Variants in CMKLR1 observed in about 807,000 individuals in gnomAD.
The protein encoded by CMKLR1 is chemerin-like receptor 1.
A neutral mutation model predicts 8.2 loss-of-function variants in CMKLR1; 6 were observed. That is an observed-to-expected ratio of 0.73 (90% CI 0.40 to 1.44). The LOEUF (loss-of-function observed/expected upper bound fraction) is 1.44, where lower values mean the gene tolerates loss of function less well. CMKLR1 is among the 40% of genes most tolerant of loss of function. The probability of loss-of-function intolerance (pLI) is 0.02; values close to 1 mark genes in which losing one functional copy is unlikely to be tolerated. For missense variants in CMKLR1, 429 were observed against 478.0 expected (o/e 0.90, Z 0.96); for synonymous variants, 178 against 181.2 (o/e 0.98, Z 0.14).
At chr12:108,305,834 T>G (rs182199862) in intron 2 of CMKLR1, among the ~76,000 whole-genome samples, 24 of 152,212 alleles carry the variant, frequency 1.6e-4, no homozygotes, top group Non-Finnish European at 4.4e-5. Flanking sequence ...TCTTTCGGGT[T>G]TGGAAGGGGC....
In CMKLR1 at chr12:108,310,956, C is replaced by CA. The variant is rs1377514589; in HGVS notation, c.-73-17293dup. Among the ~76,000 whole-genome samples, 17 of 146,378 alleles carry CA rather than the reference C, an allele frequency of 1.2e-4. No homozygotes were observed. In the South Asian group the frequency reaches 1.2e-3, roughly 10 times the overall value. ...CAGGTAAGTTCGAAGACCGCCCCCC[C>CA]ACCCCCCGCCCAGGAGATGAGCAGG... On this transcript the variant is annotated intron_variant, in intron 2 of 3. Coordinates refer to ENST00000550402, the MANE Select transcript of CMKLR1 (RefSeq NM_001142343.2).
Position 108,292,425 on chromosome 12 carries a change from T to C in CMKLR1, c.538A>G (p.Thr180Ala), listed in dbSNP as rs553674701. The C allele has an allele frequency of 3.7e-6, 6 of 1,614,168 alleles. No homozygotes were observed. Among genetic ancestry groups the C allele is most frequent in the African/African-American group, 2.7e-5 (2 of 75,022 alleles). The change falls in exon 4 of 4, where the codon ACA (threonine) becomes GCA (alanine). Residue 180 changes from threonine to alanine, a missense_variant. Physicochemically the swap from Thr to Ala is moderately conservative, Grantham distance 58. Transcript: ENST00000550402. ...GATATTTTCCCATGCAGGTTGGCTG[T>C]GTCCCGGAAGACGAGAGATGGGGAA... Reference protein sequence around the residue: ...LSSPSLVFRDTANLHGKISCF... With the variant: ...LSSPSLVFRDAANLHGKISCF...
intron 2 of CMKLR1, among the ~76,000 whole-genome samples, chr12:108,300,572 T>C (rs1891242233): frequency 2.6e-5 from 4 of 152,158 alleles, no homozygotes; most frequent in Admixed American, 2.0e-4. Context: ...CCATAGAACA[T>C]AGAACAACAC....
intron 2 of CMKLR1, among the ~76,000 whole-genome samples, chr12:108,299,968 G>A (rs144465788): frequency 1.3e-5 from 2 of 152,338 alleles, no homozygotes; most frequent in Admixed American, 6.5e-5. Flanking sequence ...CCCATGTGGG[G>A]CACATGGCAT....
chr12:108,300,644 A>G (rs1481952483), intron 2 of CMKLR1, among the ~76,000 whole-genome samples: 3 of 152,182 alleles, frequency 2.0e-5, no homozygotes, highest in Admixed American at 1.3e-4. Context: ...CTATTGCTCC[A>G]TGACCTGTGA....
rs1593156128 is a variant in CMKLR1 at position 108,292,782 on chromosome 12, C to T, written c.181G>A (p.Val61Met). 2 of 1,614,148 alleles carry T rather than the reference C, an allele frequency of 1.2e-6. No homozygotes were observed. Among genetic ancestry groups the T allele is most frequent in the East Asian group, 2.2e-5 (1 of 44,872 alleles). Residue 61 changes from valine (V) to methionine (M), a missense_variant, in exon 4 of 4, where the codon GTG becomes ATG. By Grantham distance (21) the Val-to-Met change is conservative. Coordinates refer to ENST00000550402, the MANE Select transcript of CMKLR1 (RefSeq NM_001142343.2). ...ATCTTGAAGGTGGCAATGATGATCA[C>T]CAGACCATTGCCCAGAATCCCGAGG... ...CFLGILGNGL[V>M]IIIATFKMKK...
At chr12:108,305,330 G>C (rs147348985) in intron 2 of CMKLR1, among the ~76,000 whole-genome samples, 50 of 152,288 alleles carry the variant, frequency 3.3e-4, no homozygotes, top group South Asian at 8.3e-4. Context: ...TTAAGCATCA[G>C]CTCGGGATTT....
chr12:108,305,069 A>G (rs1891373124), intron 2 of CMKLR1, among the ~76,000 whole-genome samples: 1 of 152,182 alleles, frequency 6.6e-6, no homozygotes, highest in Non-Finnish European at 1.5e-5. Flanking sequence ...AGCCTCCAAA[A>G]GGAGCTGGGA....
chr12:108,332,486 G>A (rs1399584116), intron 1 of CMKLR1, among the ~76,000 whole-genome samples: 1 of 152,152 alleles, frequency 6.6e-6, no homozygotes, highest in Non-Finnish European at 1.5e-5. Context: ...TGAGTCAGTG[G>A]GCTGGGGAAG....
intron 2 of CMKLR1, among the ~76,000 whole-genome samples, chr12:108,296,912 C>T (rs1478716813): frequency 1.3e-5 from 2 of 152,134 alleles, no homozygotes; most frequent in Non-Finnish European, 2.9e-5. Context: ...GAACACCTTC[C>T]TCGTGTTGTT....
At chr12:108,335,464 G>A (rs1234413615) in intron 1 of CMKLR1, among the ~76,000 whole-genome samples, 1 of 152,236 alleles carries the variant, frequency 6.6e-6, no homozygotes, top group Non-Finnish European at 1.5e-5. Context: ...CCATGAGGAA[G>A]AGGACCACCC....
chr12:108,301,919 A>G (rs2137304328), intron 2 of CMKLR1, among the ~76,000 whole-genome samples: 1 of 152,306 alleles, frequency 6.6e-6, no homozygotes, highest in Non-Finnish European at 1.5e-5. Flanking sequence ...ACATACACAC[A>G]CAGGCATGTG....
intron 1 of CMKLR1, among the ~76,000 whole-genome samples, chr12:108,334,487 G>A (rs1892176211): frequency 6.6e-6 from 1 of 152,190 alleles, no homozygotes; most frequent in African/African-American, 2.4e-5. Flanking sequence ...TGGTCACACT[G>A]TACTTCTTCA....
In CMKLR1 at chr12:108,339,052, G is replaced by A. The variant is rs574502298; in HGVS notation, c.-312C>T. On this transcript the variant is annotated 5_prime_UTR_variant, in exon 1 of 4. Transcript: ENST00000550402. ...CTTCCCTCTGGTCTCTGCCCGGAAG[G>A]TCTTCCTGAGGGTTCCCTGTGACTG... 6.6e-6 allele frequency: 1 copy of A among 152,330 alleles called. No homozygotes were observed. Among genetic ancestry groups the A allele is most frequent in the South Asian group, 2.1e-4 (1 of 4,822 alleles). The allele number at this position is 152,330 out of a possible 1,614,324, so 9.4% of individuals were successfully genotyped here.
intron 1 of CMKLR1, among the ~76,000 whole-genome samples, chr12:108,332,805 T>A (rs1892139466): frequency 6.6e-6 from 1 of 151,942 alleles, no homozygotes; most frequent in African/African-American, 2.4e-5. Context: ...GACTAATACA[T>A]CCTGTCTCTA....
rs150232028 is a variant in CMKLR1 at position 108,330,364 on chromosome 12, T to C, written c.-286-157A>G. Among the ~76,000 whole-genome samples, 12 of 152,328 alleles carry C rather than the reference T, an allele frequency of 7.9e-5. 1 individual carries two copies. The East Asian group carries it at 2.3e-3, about 29-fold the overall frequency. On this transcript the variant is annotated intron_variant, in intron 1 of 3. Coordinates refer to ENST00000550402, the MANE Select transcript of CMKLR1 (RefSeq NM_001142343.2). ...CAGAGATGCACTGTCCCTGCAGAAC[T>C]CTGCTAAGTTGCATAATTATAAATG...
rs992291091 is a variant in CMKLR1, at chr12:108,326,009, G to A, written c.-74+3986C>T. Among the ~76,000 whole-genome samples, 3 of 152,152 alleles carry A rather than the reference G, an allele frequency of 2.0e-5. No individual in the cohort carries two copies. In the South Asian group the frequency reaches 6.2e-4, roughly 32 times the overall value. On this transcript the variant is annotated intron_variant, in intron 2 of 3. Transcript: ENST00000550402. Reference sequence around the variant, plus strand: ...GGGTGGGTGGGCAGTGTAGACATGAGTGCACCAAGATTGGGACACTCACCT... The same window carrying A: ...GGGTGGGTGGGCAGTGTAGACATGAATGCACCAAGATTGGGACACTCACCT...
intron 2 of CMKLR1, among the ~76,000 whole-genome samples, chr12:108,325,667 A>G (rs1891966383): frequency 1.3e-5 from 2 of 152,206 alleles, no homozygotes; most frequent in Admixed American, 1.3e-4. Context: ...CAGATGAGGA[A>G]ACTGAGGCAA....
chr12:108,295,419 C>A (rs1891108030), intron 2 of CMKLR1, among the ~76,000 whole-genome samples: 1 of 152,242 alleles, frequency 6.6e-6, no homozygotes, highest in African/African-American at 2.4e-5. Flanking sequence ...GAAGAAATGA[C>A]CAAGTTGACA....
Sources: gnomAD v4.1 joint callset for allele counts (sites outside exome capture counted in the v4.1 genomes callset) on GRCh38, gnomAD v4.1.1 for gene constraint, MANE v1.5 for transcripts, NCBI Gene and HGNC (gene_info 2026-07-23, HGNC 2026-07-21) for gene names.